The following IMMP2L variants were observed in gnomAD, a reference collection of about 807,000 sequenced individuals.
IMMP2L encodes mitochondrial inner membrane protease subunit 2.
IMMP2L carries 18 observed loss-of-function variants against 19.3 expected under a neutral mutation model. The ratio of observed to expected loss-of-function variants is 0.93; its 90% CI spans 0.64 to 1.38. The LOEUF is 1.38. Among genes scored for constraint, IMMP2L ranks in the 40% most tolerant of loss-of-function variants. The pLI is 0.00. For synonymous variants in IMMP2L, 76 were observed against 73.0 expected, an observed-to-expected ratio of 1.04 and a Z score of -0.21; for missense variants, 233 against 218.2, an observed-to-expected ratio of 1.07 and a Z score of -0.43.
chr7:110,871,750 TA>T (rs1761694192), intron 5 of IMMP2L, among the ~76,000 whole-genome samples: 1 of 152,120 alleles, frequency 6.6e-6, no homozygotes, highest in East Asian at 1.9e-4. Context: ...TAATCTAAGA[TA>T]AACTACAGTG....
chr7:111,268,234 T>C (rs533349249), intron 3 of IMMP2L, among the ~76,000 whole-genome samples: 4 of 151,286 alleles, frequency 2.6e-5, no homozygotes, highest in African/African-American at 9.7e-5. Flanking sequence ...CTAAAAGGAG[T>C]AGGATATTAG....
intron 3 of IMMP2L, among the ~76,000 whole-genome samples, chr7:111,467,441 C>T (rs1840781123): frequency 6.6e-6 from 1 of 152,094 alleles, no homozygotes; most frequent in Non-Finnish European, 1.5e-5. Flanking sequence ...TTTTTGGCTT[C>T]TTTTCTCCTA....
chr7:111,091,584 C>A (rs1796870129), intron 3 of IMMP2L: 1 of 152,128 alleles, frequency 6.6e-6, no homozygotes, highest in South Asian at 2.1e-4. Flanking sequence ...CACCTAAATC[C>A]TCCTTTGATG....
chr7:110,819,570 C>A (rs73419207), intron 5 of IMMP2L, among the ~76,000 whole-genome samples: 13,319 of 151,932 alleles, frequency 0.088, 898 homozygotes, highest in African/African-American at 0.19. Context: ...TCACAAAGTT[C>A]CAAAAACCAT....
chr7:111,236,697 C>T (rs1365837018), intron 3 of IMMP2L, among the ~76,000 whole-genome samples: 1 of 152,092 alleles, frequency 6.6e-6, no homozygotes, highest in Non-Finnish European at 1.5e-5. Flanking sequence ...CTCTAGCCAC[C>T]TGGACTTCCC....
At chr7:111,239,615 A>C (rs1477242206) in intron 3 of IMMP2L, among the ~76,000 whole-genome samples, 3 of 151,956 alleles carry the variant, frequency 2.0e-5, no homozygotes, top group African/African-American at 7.2e-5. Context: ...TGATAAGACC[A>C]ATTCTTTGTA....
chr7:111,263,120 C>A (rs758204895), intron 3 of IMMP2L, among the ~76,000 whole-genome samples: 1 of 151,804 alleles, frequency 6.6e-6, no homozygotes, highest in Non-Finnish European at 1.5e-5. Context: ...CTGAGAGAGG[C>A]GGGAAAATAT....
chr7:110,788,758 C>T (rs1800260721), intron 5 of IMMP2L, among the ~76,000 whole-genome samples: 1 of 151,688 alleles, frequency 6.6e-6, no homozygotes, highest in South Asian at 2.1e-4. Flanking sequence ...ATTGTGTAGT[C>T]CAAAGAGGGC....
intron 5 of IMMP2L, among the ~76,000 whole-genome samples, chr7:110,781,184 C>T (rs934242329): frequency 1.3e-4 from 19 of 151,826 alleles, no homozygotes; most frequent in African/African-American, 4.6e-4. Context: ...TATTTTTCAA[C>T]AGTAATTAAT....
chr7:111,141,372 CATT>C (rs1223906991), intron 3 of IMMP2L, among the ~76,000 whole-genome samples: 1 of 151,932 alleles, frequency 6.6e-6, no homozygotes, highest in Non-Finnish European at 1.5e-5. Context: ...GTTAAATCAA[CATT>C]AATATATACA....
chr7:111,091,940 A>T (rs1796915531), intron 3 of IMMP2L, among the ~76,000 whole-genome samples: 1 of 152,092 alleles, frequency 6.6e-6, no homozygotes, highest in Non-Finnish European at 1.5e-5. Context: ...TCTTCACATT[A>T]TTTGTAGTGA....
chr7:110,749,278 C>T (rs1297719067), intron 5 of IMMP2L, among the ~76,000 whole-genome samples: 1 of 152,080 alleles, frequency 6.6e-6, no homozygotes. Flanking sequence ...GAAATAGGAA[C>T]GTTTTTACAC....
At chr7:111,415,000 T>C (rs1236248441) in intron 3 of IMMP2L, among the ~76,000 whole-genome samples, 2 of 151,760 alleles carry the variant, frequency 1.3e-5, no homozygotes, top group Non-Finnish European at 2.9e-5. Flanking sequence ...TTACATTATA[T>C]GACAAGCATG....
intron 2 of IMMP2L, among the ~76,000 whole-genome samples, chr7:111,519,035 G>C (rs956245613): frequency 1.3e-5 from 2 of 152,096 alleles, no homozygotes; most frequent in African/African-American, 4.8e-5. Context: ...CCCCATTCTG[G>C]TGGCCAAAGT....
chr7:111,328,674 T>G (rs759384217), intron 3 of IMMP2L, among the ~76,000 whole-genome samples: 1 of 151,806 alleles, frequency 6.6e-6, no homozygotes, highest in Non-Finnish European at 1.5e-5. Flanking sequence ...GGTGGGATGT[T>G]CATAATGCTG....
Position 110,904,064 on chromosome 7 carries a change from A to G in IMMP2L, c.306-17369T>C, listed in dbSNP as rs543662359. 2.6e-5 allele frequency among the ~76,000 whole-genome samples: 4 copies of G among 151,984 alleles called. 1 individual carries two copies. The highest frequency in any genetic ancestry group is 9.6e-5 in the African/African-American group (4 of 41,458). ...ACTCAAGTCCTTAGCCCATTTTCTG[A>G]TCAAATTTTTTGGTTTGTTTTACTA... On this transcript the variant is annotated intron_variant, in intron 4 of 5. Transcript: ENST00000405709.
rs971357884 is a variant in IMMP2L, at chr7:110,865,393, G to A, written c.408+21200C>T. 6.6e-5 allele frequency among the ~76,000 whole-genome samples: 10 copies of A among 152,126 alleles called. No individual in the cohort carries two copies. The East Asian group carries it at 1.9e-3, about 30-fold the overall frequency. On this transcript the variant is annotated intron_variant, in intron 5 of 5. Transcript: ENST00000405709. ...TTTCCCATCTTGCCTACTCTCCAGT[G>A]TTAGCCTTCATTTCGCTCTTACCAA...
At chr7:110,733,167 A>T (rs551220276) in intron 5 of IMMP2L, among the ~76,000 whole-genome samples, 3 of 152,206 alleles carry the variant, frequency 2.0e-5, no homozygotes, top group African/African-American at 7.2e-5. Context: ...ACAAGATACA[A>T]GTCATAGTTA....
rs531394717 is a variant in IMMP2L, at chr7:111,164,480, C to T, written c.240-200915G>A. Among the ~76,000 whole-genome samples, 6 of 150,148 alleles carry T rather than the reference C, an allele frequency of 4.0e-5. No individual in the cohort carries two copies. In the South Asian group the frequency reaches 1.2e-3, roughly 31 times the overall value. On this transcript the variant is annotated intron_variant, in intron 3 of 5. Transcript: ENST00000405709. ...GGAAGCACTGGGTCACTAGGGAAGTCACCATAAGCTCAGAGATTGACACCA... is the reference window on the plus strand; with the variant it reads ...GGAAGCACTGGGTCACTAGGGAAGTTACCATAAGCTCAGAGATTGACACCA...
Sources: allele counts gnomAD v4.1 joint callset (sites outside exome capture counted in the v4.1 genomes callset), GRCh38; gene constraint gnomAD v4.1.1; transcripts MANE v1.5; gene names NCBI Gene and HGNC (gene_info 2026-07-23, HGNC 2026-07-21).